Variants in SH3KBP1 observed in about 807,000 individuals in gnomAD.
SH3KBP1 encodes SH3 domain containing kinase binding protein 1.
Under a neutral mutation model 50.1 loss-of-function variants are expected in SH3KBP1, and 8 were observed. That is an observed-to-expected ratio of 0.16 (90% CI 0.09 to 0.29). SH3KBP1 has a LOEUF of 0.29. SH3KBP1 is among the 10% of genes least tolerant of loss of function. SH3KBP1 has a pLI of 1.00. For missense variants in SH3KBP1, 377 were observed against 535.2 expected (o/e 0.70, Z 2.92); for synonymous variants, 227 against 218.6 (o/e 1.04, Z -0.34).
intron 2 of SH3KBP1, among the ~76,000 whole-genome samples, chrX:19,808,245 A>C (rs1384133778): frequency 9.1e-6 from 1 of 110,399 alleles, no homozygotes; most frequent in Non-Finnish European, 1.9e-5. Context: ...TTCACAACGT[A>C]TTTGCCCTAG....
chrX:19,662,006 C>A (rs1050597632), intron 6 of SH3KBP1, among the ~76,000 whole-genome samples: 2 of 111,862 alleles, frequency 1.8e-5, no homozygotes, highest in South Asian at 7.4e-4. Context: ...TTATTGATGT[C>A]TTTCCATAAG....
intron 5 of SH3KBP1, chrX:19,687,791 G>T: frequency 1.7e-6 from 1 of 602,378 alleles, no homozygotes; most frequent in South Asian, 2.6e-5. Flanking sequence ...GTCTTTAACT[G>T]AACTTGCCTT....
chrX:19,689,849 A>C (rs970478512), intron 5 of SH3KBP1, among the ~76,000 whole-genome samples: 2 of 111,776 alleles, frequency 1.8e-5, no homozygotes, highest in Non-Finnish European at 1.9e-5. Flanking sequence ...ATAGACCATC[A>C]TACTCCAAAC....
intron 2 of SH3KBP1, among the ~76,000 whole-genome samples, chrX:19,772,307 C>G (rs1249851073): frequency 1.8e-5 from 2 of 111,061 alleles, no homozygotes; most frequent in Non-Finnish European, 3.8e-5. Flanking sequence ...ACTGGTACAG[C>G]TGAAGAGTAA....
At chrX:19,706,639 G>A (rs1294699252) in intron 4 of SH3KBP1, among the ~76,000 whole-genome samples, 2 of 110,703 alleles carry the variant, frequency 1.8e-5, no homozygotes, top group African/African-American at 6.6e-5. Flanking sequence ...TTGGAAATTC[G>A]GAGGTATTTA....
intron 1 of SH3KBP1, among the ~76,000 whole-genome samples, chrX:19,851,120 T>G (rs2068497180): frequency 9.0e-6 from 1 of 111,470 alleles, no homozygotes; most frequent in African/African-American, 3.3e-5. Flanking sequence ...CCTAAATCCC[T>G]TTTGCAGAAA....
intron 2 of SH3KBP1, among the ~76,000 whole-genome samples, chrX:19,762,616 A>G (rs906985045): frequency 1.8e-5 from 2 of 111,379 alleles, no homozygotes; most frequent in Non-Finnish European, 3.8e-5. Context: ...AAAAATTCCA[A>G]TTCCTTGAGT....
intron 12 of SH3KBP1, among the ~76,000 whole-genome samples, chrX:19,586,652 G>A (rs913318921): frequency 1.3e-4 from 14 of 111,267 alleles, no homozygotes; most frequent in Admixed American, 9.6e-5. Context: ...CAACTCAACA[G>A]GGGGTGTCAC....
intron 6 of SH3KBP1, among the ~76,000 whole-genome samples, chrX:19,659,153 C>T (rs893008155): frequency 1.7e-4 from 16 of 94,665 alleles, no homozygotes; most frequent in African/African-American, 6.1e-4. Flanking sequence ...TCACTCTCAT[C>T]GCCCAGGCTG....
At chrX:19,639,230 A>T (rs773931372) in intron 7 of SH3KBP1, among the ~76,000 whole-genome samples, 256 of 111,828 alleles carry the variant, frequency 2.3e-3, no homozygotes, top group African/African-American at 7.4e-3. Context: ...GAAGCTGACC[A>T]TAACTCCAAA....
rs776655558 is a variant in SH3KBP1 at position 19,647,394 on chromosome X, T to C, written c.727-1919A>G. ...CCTTCTTTAGTAACAGAAGAAAGTA[T>C]TGCCCATCATCTTTGATATCCTGGC... On this transcript the variant is annotated intron_variant, in intron 6 of 17. Coordinates refer to ENST00000397821, the MANE Select transcript of SH3KBP1 (RefSeq NM_031892.3). Among the ~76,000 whole-genome samples, 15 of 111,983 alleles carry C rather than the reference T, an allele frequency of 1.3e-4. No individual in the cohort carries two copies. The Admixed American group carries it at 1.4e-3, about 11-fold the overall frequency.
rs751133369 is a variant in SH3KBP1 at position 19,545,946 on chromosome X, A to G, written c.1599T>C (p.Thr533=). 1 of 1,211,485 alleles carries G rather than the reference A, an allele frequency of 8.3e-7. No homozygotes were observed. Among genetic ancestry groups the G allele is most frequent in the Non-Finnish European group, 1.1e-6 (1 of 895,301 alleles). Residue 533 remains threonine, a synonymous_variant, in exon 15 of 18, where the codon ACT becomes ACC. Coordinates refer to ENST00000397821, the MANE Select transcript of SH3KBP1 (RefSeq NM_031892.3). ...AHRGVDASKK[T]SKTVTISQVS... ...CTTGGGATATGGTAACAGTCTTGGA[A>G]GTTTTCTTTGACGCGTCCACTCCTC...
chrX:19,574,159 C>T (rs1478978911), intron 12 of SH3KBP1, among the ~76,000 whole-genome samples: 8 of 110,953 alleles, frequency 7.2e-5, no homozygotes, highest in Admixed American at 1.9e-4. Flanking sequence ...TGTAACTCAC[C>T]CTTTTAGCAC....
At chrX:19,637,853 C>A (rs2061743787) in intron 7 of SH3KBP1, among the ~76,000 whole-genome samples, 2 of 108,545 alleles carry the variant, frequency 1.8e-5, no homozygotes, top group Admixed American at 9.9e-5. Context: ...CCGAGGCAGG[C>A]AGATCACGAG....
chrX:19,871,316 T>C (rs1040764153), intron 1 of SH3KBP1, among the ~76,000 whole-genome samples: 1 of 112,393 alleles, frequency 8.9e-6, no homozygotes, highest in Non-Finnish European at 1.9e-5. Context: ...GGTTATCAGA[T>C]CTTATGCTTA....
intron 8 of SH3KBP1, among the ~76,000 whole-genome samples, chrX:19,612,915 C>G (rs759924063): frequency 8.9e-6 from 1 of 111,812 alleles, no homozygotes; most frequent in Admixed American, 9.5e-5. Context: ...ACTTGCTGAG[C>G]GTAAAGGAAG....
chrX:19,616,870 C>T (rs1050206289), intron 8 of SH3KBP1, among the ~76,000 whole-genome samples: 4 of 111,503 alleles, frequency 3.6e-5, no homozygotes, highest in African/African-American at 1.3e-4. Flanking sequence ...TCTAACATCT[C>T]CCATTACTGG....
At chrX:19,742,092 T>C (rs1225338061) in intron 3 of SH3KBP1, among the ~76,000 whole-genome samples, 2 of 111,065 alleles carry the variant, frequency 1.8e-5, no homozygotes, top group Non-Finnish European at 3.8e-5. Context: ...GATCAAATAA[T>C]TTTTTCTTTT....
chrX:19,783,082 C>T (rs2066232703), intron 2 of SH3KBP1, among the ~76,000 whole-genome samples: 1 of 112,235 alleles, frequency 8.9e-6, no homozygotes, highest in Non-Finnish European at 1.9e-5. Flanking sequence ...CATGCCACTG[C>T]ACTCTCCAGC....
Sources: allele counts gnomAD v4.1 joint callset (sites outside exome capture counted in the v4.1 genomes callset), GRCh38; gene constraint gnomAD v4.1.1; transcripts MANE v1.5; gene names NCBI Gene and HGNC (gene_info 2026-07-23, HGNC 2026-07-21).